GRIK2: variants seen among roughly 807,000 people sequenced by gnomAD.
The protein encoded by GRIK2 is glutamate ionotropic receptor kainate type subunit 2, also known as glutamate receptor ionotropic, kainate 2.
In GRIK2, 32 loss-of-function variants were observed where a neutral mutation model predicts 100.3. The observed-to-expected ratio is 0.32, with a 90% CI of 0.24 to 0.43. The LOEUF (loss-of-function observed/expected upper bound fraction) is 0.43. Among genes scored for constraint, GRIK2 ranks in the 20% least tolerant of loss-of-function variants. The probability of loss-of-function intolerance (pLI) is 1.00; values close to 1 mark genes in which losing one functional copy is unlikely to be tolerated. For missense variants in GRIK2, 843 were observed against 1,114.9 expected (o/e 0.76, Z 3.47); for synonymous variants, 417 against 389.4 (o/e 1.07, Z -0.83).
At chr6:101,430,905 G>T (rs1197285167) in intron 2 of GRIK2, 2 of 343,746 alleles carry the variant, frequency 5.8e-6, no homozygotes, top group African/African-American at 2.2e-5. Context: ...GCCACACTAT[G>T]TGAGGATCTT....
chr6:102,051,316 T>TTC (rs1226573220), intron 15 of GRIK2, among the ~76,000 whole-genome samples: 3 of 109,040 alleles, frequency 2.8e-5, no homozygotes, highest in East Asian at 2.6e-4. Context: ...TTCCTTCCAC[T>TTC]CTCTGCAAGC....
intron 2 of GRIK2, among the ~76,000 whole-genome samples, chr6:101,474,874 C>T (rs1204686206): frequency 6.6e-6 from 1 of 151,894 alleles, no homozygotes; most frequent in African/African-American, 2.4e-5. Context: ...CTGTTAATCA[C>T]AATATCTAGA....
intron 16 of GRIK2, among the ~76,000 whole-genome samples, chr6:102,058,640 G>A (rs1354507471): frequency 2.0e-5 from 3 of 151,434 alleles, no homozygotes; most frequent in African/African-American, 7.2e-5. Context: ...TTAGCCATAC[G>A]ATAGTCCTAG....
intron 9 of GRIK2, among the ~76,000 whole-genome samples, chr6:101,807,767 G>GT (rs1361863549): frequency 6.6e-6 from 1 of 151,916 alleles, no homozygotes; most frequent in Non-Finnish European, 1.5e-5. Flanking sequence ...ATTGTTTTGG[G>GT]TAGATTGCCT....
chr6:101,627,218 T>C (rs2128318980), intron 4 of GRIK2, among the ~76,000 whole-genome samples: 1 of 151,794 alleles, frequency 6.6e-6, no homozygotes, highest in South Asian at 2.1e-4. Flanking sequence ...CTCAGCTTAC[T>C]GCAACCTCTG....
intron 2 of GRIK2, among the ~76,000 whole-genome samples, chr6:101,540,712 CTG>C (rs1248531961): frequency 3.3e-5 from 5 of 152,028 alleles, no homozygotes; most frequent in East Asian, 1.9e-4. Context: ...TTTTCTAAAA[CTG>C]TGAATAAGAG....
chr6:101,395,464 T>C (rs763962570), intron 1 of GRIK2, among the ~76,000 whole-genome samples: 4 of 152,212 alleles, frequency 2.6e-5, no homozygotes, highest in Non-Finnish European at 4.4e-5. Flanking sequence ...ATTTGCTGTT[T>C]CCAGCAAAAG....
chr6:101,776,201 A>T (rs1219379864), intron 7 of GRIK2, among the ~76,000 whole-genome samples: 1 of 152,198 alleles, frequency 6.6e-6, no homozygotes, highest in Non-Finnish European at 1.5e-5. Context: ...AAAGACCATA[A>T]TATAAATATT....
intron 2 of GRIK2, among the ~76,000 whole-genome samples, chr6:101,511,564 TTTATA>T (rs1383143752): frequency 6.6e-6 from 1 of 151,806 alleles, no homozygotes; most frequent in African/African-American, 2.4e-5. Flanking sequence ...GAATAATAAA[TTTATA>T]TTATTAGAAA....
intron 11 of GRIK2, among the ~76,000 whole-genome samples, chr6:101,868,535 A>G (rs1266775263): frequency 2.0e-5 from 3 of 151,772 alleles, no homozygotes; most frequent in Non-Finnish European, 2.9e-5. Context: ...TTACTACCAT[A>G]ACAGCAGAAT....
chr6:101,539,069 A>G (rs1775863019), intron 2 of GRIK2, among the ~76,000 whole-genome samples: 1 of 151,774 alleles, frequency 6.6e-6, no homozygotes, highest in Admixed American at 6.6e-5. Context: ...TATTGAATCA[A>G]TCAACAAATA....
chr6:101,531,466 A>C (rs1775440683), intron 2 of GRIK2, among the ~76,000 whole-genome samples: 1 of 151,928 alleles, frequency 6.6e-6, no homozygotes, highest in Non-Finnish European at 1.5e-5. Context: ...GTCTTTCTAG[A>C]AGTTGTTATA....
chr6:101,996,247 G>T (rs1384406445), intron 14 of GRIK2, among the ~76,000 whole-genome samples: 1 of 151,962 alleles, frequency 6.6e-6, no homozygotes, highest in Non-Finnish European at 1.5e-5. Flanking sequence ...TCATACTTTT[G>T]ATCTCATTTC....
intron 1 of GRIK2, among the ~76,000 whole-genome samples, chr6:101,397,999 CT>C: frequency 6.6e-6 from 1 of 151,972 alleles, no homozygotes; most frequent in Non-Finnish European, 1.5e-5. Context: ...GAAAGAAATT[CT>C]ATTTCTGTAC....
chr6:101,656,805 A>T (rs1014269897), intron 4 of GRIK2, among the ~76,000 whole-genome samples: 4 of 152,230 alleles, frequency 2.6e-5, no homozygotes, highest in African/African-American at 9.6e-5. Flanking sequence ...TAAGTTTCTT[A>T]AAAGCAGAGG....
At chr6:101,623,726 A>G (rs1411077855) in intron 3 of GRIK2, among the ~76,000 whole-genome samples, 1 of 152,124 alleles carries the variant, frequency 6.6e-6, no homozygotes, top group Non-Finnish European at 1.5e-5. Context: ...AAGCTTTGTT[A>G]CCCAATAAAA....
At chr6:101,431,899 C>T (rs927317737) in intron 2 of GRIK2, among the ~76,000 whole-genome samples, 1 of 152,044 alleles carries the variant, frequency 6.6e-6, no homozygotes, top group African/African-American at 2.4e-5. Flanking sequence ...GCATGGATAG[C>T]TGGCATGGGG....
chr6:101,410,702 A>T (rs1343452083), intron 2 of GRIK2, among the ~76,000 whole-genome samples: 2 of 152,124 alleles, frequency 1.3e-5, no homozygotes, highest in Non-Finnish European at 2.9e-5. Context: ...TTTAAACTTC[A>T]ATGTATAAAT....
intron 13 of GRIK2, among the ~76,000 whole-genome samples, chr6:101,927,095 G>C (rs977826938): frequency 3.9e-5 from 6 of 152,012 alleles, no homozygotes; most frequent in Non-Finnish European, 7.4e-5. Flanking sequence ...TTACAGAGCT[G>C]TAGGCAGAAT....
Sources: allele counts gnomAD v4.1 joint callset (sites outside exome capture counted in the v4.1 genomes callset), GRCh38; gene constraint gnomAD v4.1.1; transcripts MANE v1.5; gene names NCBI Gene and HGNC (gene_info 2026-07-23, HGNC 2026-07-21).